KCNH7: variants seen among roughly 807,000 people sequenced by gnomAD.
KCNH7 encodes potassium voltage-gated channel subfamily H member 7.
In KCNH7, 49 loss-of-function variants were observed where a neutral mutation model predicts 120.8. The observed-to-expected ratio is 0.41, with a 90% CI of 0.32 to 0.51. The LOEUF (loss-of-function observed/expected upper bound fraction) is 0.51, where lower values mean the gene tolerates loss of function less well. Ranked by LOEUF, KCNH7 falls within the 20% of genes least tolerant of loss-of-function variation. KCNH7 has a pLI of 0.38. For missense variants in KCNH7, 1,097 were observed against 1,446.6 expected (o/e 0.76, Z 3.92); for synonymous variants, 547 against 516.1 (o/e 1.06, Z -0.81).
chr2:162,714,064 A>G (rs1217991367), intron 2 of KCNH7, among the ~76,000 whole-genome samples: 1 of 152,162 alleles, frequency 6.6e-6, no homozygotes, highest in Admixed American at 6.6e-5. Context: ...GTATTATTCT[A>G]ACAGTTGTAG....
chr2:162,775,149 C>T (rs1372421903), intron 2 of KCNH7, among the ~76,000 whole-genome samples: 2 of 152,016 alleles, frequency 1.3e-5, no homozygotes, highest in East Asian at 3.9e-4. Context: ...CTACTGCATG[C>T]CTTCTCTATA....
chr2:162,626,277 G>A (rs1683555242), intron 2 of KCNH7, among the ~76,000 whole-genome samples: 1 of 151,998 alleles, frequency 6.6e-6, no homozygotes, highest in African/African-American at 2.4e-5. Flanking sequence ...ACTGAAAGCT[G>A]GCATATTTGG....
At chr2:162,717,117 G>T (rs1003790744) in intron 2 of KCNH7, among the ~76,000 whole-genome samples, 3 of 152,006 alleles carry the variant, frequency 2.0e-5, no homozygotes, top group African/African-American at 7.2e-5. Context: ...GAACTAAAAG[G>T]TTAAATCTTT....
At chr2:162,484,194 C>G (rs1209443172) in intron 6 of KCNH7, among the ~76,000 whole-genome samples, 1 of 151,506 alleles carries the variant, frequency 6.6e-6, no homozygotes, top group Non-Finnish European at 1.5e-5. Flanking sequence ...ATTGAGGGTG[C>G]CTGACCTAAA....
At chr2:162,746,865 TA>T (rs1051505768) in intron 2 of KCNH7, among the ~76,000 whole-genome samples, 1 of 152,088 alleles carries the variant, frequency 6.6e-6, no homozygotes, top group Non-Finnish European at 1.5e-5. Context: ...CAGGATGAAA[TA>T]AAAGAGGAAA....
At chr2:162,517,626 T>C (rs1248330975) in intron 4 of KCNH7, 104 bp downstream of exon 4, 6 of 991,660 alleles carry the variant, frequency 6.1e-6, no homozygotes, top group Non-Finnish European at 8.6e-6. Flanking sequence ...ATCACATTTC[T>C]TTCCCCAATG....
At chr2:162,389,864 G>A (rs938220199) in intron 12 of KCNH7, among the ~76,000 whole-genome samples, 5 of 152,014 alleles carry the variant, frequency 3.3e-5, no homozygotes, top group African/African-American at 4.8e-5. Context: ...GGGAAAGTAT[G>A]CAGACACTAA....
intron 2 of KCNH7, among the ~76,000 whole-genome samples, chr2:162,720,713 C>T (rs1226519323): frequency 6.6e-5 from 10 of 152,020 alleles, no homozygotes; most frequent in Admixed American, 1.3e-4. Flanking sequence ...TAGTTCTGAC[C>T]TGATTGTTGG....
chr2:162,539,709 A>G (rs1030360798), intron 2 of KCNH7, among the ~76,000 whole-genome samples: 2 of 152,076 alleles, frequency 1.3e-5, no homozygotes, highest in African/African-American at 4.8e-5. Flanking sequence ...TTTATTGCCC[A>G]CTATCATTGT....
At chr2:162,398,487 A>T (rs1275058013) in intron 10 of KCNH7, among the ~76,000 whole-genome samples, 1 of 151,848 alleles carries the variant, frequency 6.6e-6, no homozygotes, top group Non-Finnish European at 1.5e-5. Context: ...GGGCTGACTT[A>T]TATGGAAGTA....
intron 3 of KCNH7, among the ~76,000 whole-genome samples, chr2:162,535,879 G>C (rs1271383502): frequency 6.6e-6 from 1 of 151,822 alleles, no homozygotes; most frequent in African/African-American, 2.4e-5. Context: ...TGGAAGTTTA[G>C]TGTGTAATAA....
At position 162,704,334 on chromosome 2, in the gene KCNH7, TCAA is replaced by T. The variant is rs970995642; in HGVS notation, c.307+132200_307+132202del. Among the ~76,000 whole-genome samples, 391 of 152,092 alleles carry T rather than the reference TCAA, an allele frequency of 2.6e-3. 2 individuals carry two copies. The highest frequency in any genetic ancestry group is 8.8e-3 in the African/African-American group (367 of 41,494). ...AATCATTATTCTTACTTTAATATGT[TCAA>T]CAACAACAACAACAAAGTCAATTAG... On this transcript the variant is annotated intron_variant, in intron 2 of 15. Transcript: ENST00000332142.
intron 2 of KCNH7, among the ~76,000 whole-genome samples, chr2:162,835,558 TC>T (rs1359410427): frequency 2.0e-5 from 3 of 151,968 alleles, no homozygotes; most frequent in African/African-American, 7.2e-5. Flanking sequence ...ACTATAACAT[TC>T]AATTTTTTAA....
chr2:162,410,131 AG>A (rs1339755227), intron 9 of KCNH7, among the ~76,000 whole-genome samples: 1 of 152,060 alleles, frequency 6.6e-6, no homozygotes, highest in South Asian at 2.1e-4. Flanking sequence ...AAGGAATTCG[AG>A]GCAAAAAGAA....
At chr2:162,798,739 T>C (rs1304416838) in intron 2 of KCNH7, among the ~76,000 whole-genome samples, 14 of 152,056 alleles carry the variant, frequency 9.2e-5, no homozygotes, top group Non-Finnish European at 2.1e-4. Context: ...AAAGATTGAG[T>C]TATCATGAAA....
chr2:162,601,307 T>C (rs1165361663), intron 2 of KCNH7, among the ~76,000 whole-genome samples: 1 of 151,460 alleles, frequency 6.6e-6, no homozygotes, highest in Non-Finnish European at 1.5e-5. Flanking sequence ...GTCAAGGTTC[T>C]GGGCATTTGG....
chr2:162,692,801 C>T (rs571815762), intron 2 of KCNH7, among the ~76,000 whole-genome samples: 5 of 152,152 alleles, frequency 3.3e-5, no homozygotes, highest in African/African-American at 1.2e-4. Flanking sequence ...ATCTTAAAAG[C>T]CACTTCGAAA....
At chr2:162,768,605 G>C (rs1282051853) in intron 2 of KCNH7, among the ~76,000 whole-genome samples, 2 of 152,150 alleles carry the variant, frequency 1.3e-5, no homozygotes, top group African/African-American at 4.8e-5. Context: ...GAATGAGAGA[G>C]GCCAGTAGGA....
chr2:162,708,476 C>T (rs758178212), intron 2 of KCNH7, among the ~76,000 whole-genome samples: 4 of 152,046 alleles, frequency 2.6e-5, no homozygotes, highest in Admixed American at 1.3e-4. Flanking sequence ...AGTTTCCTCT[C>T]TAGGGGAACA....
Sources: allele counts gnomAD v4.1 joint callset (sites outside exome capture counted in the v4.1 genomes callset), GRCh38; gene constraint gnomAD v4.1.1; transcripts MANE v1.5; gene names NCBI Gene and HGNC (gene_info 2026-07-23, HGNC 2026-07-21).